The following RNF216 variants were observed in gnomAD, a reference collection of about 807,000 sequenced individuals.
RNF216 encodes ring finger protein 216, also known as E3 ubiquitin-protein ligase RNF216.
A neutral mutation model predicts 110.8 loss-of-function variants in RNF216; 72 were observed. The observed-to-expected ratio is 0.65, with a 90% CI of 0.54 to 0.79. The LOEUF (loss-of-function observed/expected upper bound fraction) is 0.79. RNF216 is among the 30% of genes least tolerant of loss of function. RNF216 has a pLI of 0.00. For missense variants in RNF216, 1,342 were observed against 1,141.2 expected (o/e 1.18, Z -2.54); for synonymous variants, 495 against 407.5 (o/e 1.21, Z -2.59).
chr7:5,682,417 T>C (rs1421804347), intron 13 of RNF216, among the ~76,000 whole-genome samples: 2 of 151,524 alleles, frequency 1.3e-5, no homozygotes, highest in Non-Finnish European at 2.9e-5. Context: ...TTTTTCTTTT[T>C]TTTTTTTTTT....
intron 13 of RNF216, among the ~76,000 whole-genome samples, chr7:5,684,455 A>G (rs541558841): frequency 6.6e-6 from 1 of 152,142 alleles, no homozygotes; most frequent in African/African-American, 2.4e-5. Context: ...ACAAATGCTG[A>G]TCTTTAGGCT....
chr7:5,669,340 G>A (rs1023510464), intron 13 of RNF216, among the ~76,000 whole-genome samples: 1 of 152,076 alleles, frequency 6.6e-6, no homozygotes, highest in African/African-American at 2.4e-5. Context: ...ATCTTTAGAA[G>A]ACCAATCTTT....
chr7:5,723,370 C>T (rs116768517), intron 8 of RNF216, among the ~76,000 whole-genome samples: 2,077 of 152,042 alleles, frequency 0.014, 44 homozygotes, highest in African/African-American at 0.048. Flanking sequence ...TGCAATTGGC[C>T]GGGTGCGGTG....
In RNF216 at chr7:5,725,406, C is replaced by T. The variant is rs754264666; in HGVS notation, c.1422G>A (p.Glu474=). 6.8e-6 allele frequency: 11 copies of T among 1,613,264 alleles called. No individual in the cohort carries two copies. In the South Asian group the frequency reaches 9.9e-5, roughly 14 times the overall value. The stretch of plus-strand genomic sequence containing the variant: ...TTTTTCCACTGGTTTCTGGTGACAG[C>T]TCCTGCCATTTTTTAATGGCATCAG... The part of the protein sequence containing the change: ...ALSDAIKKWQ[E]LSPETSGKRK... Residue 474 remains glutamate (E), a synonymous_variant, in exon 8 of 17, where the codon GAG becomes GAA. Transcript: ENST00000389902.
chr7:5,661,312 C>G (rs1429479638), intron 13 of RNF216, among the ~76,000 whole-genome samples: 1 of 151,784 alleles, frequency 6.6e-6, no homozygotes, highest in Non-Finnish European at 1.5e-5. Flanking sequence ...TAGCTCATGG[C>G]GGTCTCCTCA....
rs553951144 is a variant in RNF216, at chr7:5,740,457, A to T, written c.1044+516T>A. ...TTACTCTTAATATCACCACTAATAG[A>T]ACTTTGTTGGATGACAGAAACACTG... On this transcript the variant is annotated intron_variant, in intron 4 of 16. Coordinates refer to ENST00000389902, the MANE Select transcript of RNF216 (RefSeq NM_207111.4). Among the ~76,000 whole-genome samples the T allele has an allele frequency of 3.5e-4, 53 of 152,140 alleles. No individual in the cohort carries two copies. In the Middle Eastern group the frequency reaches 0.014, roughly 39 times the overall value.
intron 4 of RNF216, 149 bp downstream of exon 4, chr7:5,740,824 G>A (rs956603461): frequency 1.3e-5 from 9 of 669,014 alleles, no homozygotes; most frequent in African/African-American, 1.9e-5. Flanking sequence ...TCTTCAGAGT[G>A]TCTCTTCTAT....
rs904291930 is a variant in RNF216 at position 5,631,548 on chromosome 7, G to C, written c.2383-7423C>G. 2.6e-5 allele frequency among the ~76,000 whole-genome samples: 4 copies of C among 152,218 alleles called. No homozygotes were observed. The East Asian group carries it at 7.7e-4, about 29-fold the overall frequency. On this transcript the variant is annotated intron_variant, in intron 15 of 16. Coordinates refer to ENST00000389902, the MANE Select transcript of RNF216 (RefSeq NM_207111.4). ...GAAGCGAATGCTTCAAGATTTCCTT[G>C]CCTGACATGTTTTCTCCTGACACTA... is the stretch of plus-strand genomic sequence containing the variant.
rs774694407 is a variant in RNF216 at position 5,652,402 on chromosome 7, C to T, written c.2159+11G>A. 1 of 1,585,904 alleles carries T rather than the reference C, an allele frequency of 6.3e-7. No individual in the cohort carries two copies. Among genetic ancestry groups the T allele is most frequent in the South Asian group, 1.1e-5 (1 of 90,516 alleles). ...AATCAGCCCATAGCCCCTCTGAATT[C>T]TGTTACTCACATAGAGGTACGGTAC... On this transcript the variant is annotated intron_variant, in intron 14 of 16. Coordinates refer to ENST00000389902, the MANE Select transcript of RNF216 (RefSeq NM_207111.4).
intron 15 of RNF216, among the ~76,000 whole-genome samples, chr7:5,637,808 T>G (rs553666148): frequency 6.6e-6 from 1 of 152,366 alleles, no homozygotes; most frequent in East Asian, 1.9e-4. Flanking sequence ...CTCGAAGTGC[T>G]GGGATTACAG....
intron 15 of RNF216, among the ~76,000 whole-genome samples, chr7:5,629,826 CAAAAAA>C (rs34172457): frequency 7.4e-5 from 4 of 54,042 alleles, no homozygotes; most frequent in African/African-American, 2.8e-4. Flanking sequence ...GACTCTGTCT[CAAAAAA>C]AAAAAAAAAA....
intron 1 of RNF216, among the ~76,000 whole-genome samples, chr7:5,774,186 G>A (rs1380736552): frequency 1.4e-3 from 3 of 2,094 alleles, no homozygotes; most frequent in African/African-American, 7.1e-3. Flanking sequence ...TTTAAATCTT[G>A]GTTTCCCATT....
chr7:5,687,437 AAAG>A (rs962970905), intron 13 of RNF216, among the ~76,000 whole-genome samples: 4 of 151,974 alleles, frequency 2.6e-5, no homozygotes, highest in Admixed American at 2.6e-4. Flanking sequence ...AAAAGAAAGA[AAAG>A]AAATTAAGGG....
At chr7:5,631,779 A>G (rs1198155528) in intron 15 of RNF216, among the ~76,000 whole-genome samples, 1 of 152,250 alleles carries the variant, frequency 6.6e-6, no homozygotes, top group South Asian at 2.1e-4. Context: ...CTCACCAGAG[A>G]TCAATCCTGG....
In RNF216 at chr7:5,652,486, G is replaced by A. The variant is rs752415231; in HGVS notation, c.2086C>T (p.Leu696Phe). Residue 696 changes from leucine to phenylalanine, a missense_variant, in exon 14 of 17, where the codon CTC becomes TTC. Coordinates refer to ENST00000389902, the MANE Select transcript of RNF216 (RefSeq NM_207111.4). ...GTGAGGCCATTATGTTCTTTCCAGA[G>A]TCCCTGACACTTCCTACAGGTTTCC... The part of the protein sequence containing the change: ...RKETCRKCQG[L>F]WKEHNGLTCE... The A allele has an allele frequency of 5.6e-6, 9 of 1,613,550 alleles. No homozygotes were observed. The highest frequency in any genetic ancestry group is 2.7e-5 in the African/African-American group (2 of 74,908).
chr7:5,723,540 G>C (rs1188133482), intron 8 of RNF216, among the ~76,000 whole-genome samples: 1 of 151,940 alleles, frequency 6.6e-6, no homozygotes, highest in South Asian at 2.1e-4. Flanking sequence ...CCAGCTACTC[G>C]GGAGGCTGAG....
chr7:5,644,811 CCTATTTT>C (rs1277800142), intron 14 of RNF216, among the ~76,000 whole-genome samples: 3 of 151,046 alleles, frequency 2.0e-5, no homozygotes, highest in Non-Finnish European at 4.4e-5. Flanking sequence ...TGGCTGTTTG[CCTATTTT>C]CTTTTTTTCT....
At chr7:5,730,595 T>C in intron 6 of RNF216, 120 bp downstream of exon 6, 1 of 1,402,078 alleles carries the variant, frequency 7.1e-7, no homozygotes, top group Non-Finnish European at 9.8e-7. Flanking sequence ...GTCCCTCGGC[T>C]AGTCTTTAAA....
chr7:5,719,621 A>T (rs1793288177), intron 9 of RNF216, among the ~76,000 whole-genome samples: 1 of 152,242 alleles, frequency 6.6e-6, no homozygotes, highest in African/African-American at 2.4e-5. Context: ...CCAATACTTT[A>T]AATACTTATC....
Sources: allele counts gnomAD v4.1 joint callset (sites outside exome capture counted in the v4.1 genomes callset), GRCh38; gene constraint gnomAD v4.1.1; transcripts MANE v1.5; gene names NCBI Gene and HGNC (gene_info 2026-07-23, HGNC 2026-07-21).